Variants in ANK2 observed in about 807,000 individuals in gnomAD.
The protein encoded by ANK2 is ankyrin 2.
Under a neutral mutation model 360.5 loss-of-function variants are expected in ANK2, and 83 were observed. The observed-to-expected ratio is 0.23, with a 90% confidence interval of 0.19 to 0.28. The LOEUF is 0.28. ANK2 is among the 10% of genes least tolerant of loss of function. The pLI is 1.00. For missense variants in ANK2, 4,201 were observed against 4,795.7 expected (o/e 0.88, Z 3.66); for synonymous variants, 1,740 against 1,759.5 (o/e 0.99, Z 0.28).
intron 1 of ANK2, among the ~76,000 whole-genome samples, chr4:113,095,723 C>G (rs2090749220): frequency 6.6e-6 from 1 of 152,126 alleles, no homozygotes; most frequent in Non-Finnish European, 1.5e-5. Context: ...AATTCTTTAT[C>G]ATATGAAAAG....
At chr4:113,333,359 A>C in intron 29 of ANK2, 151 bp downstream of exon 29, 2 of 1,069,458 alleles carry the variant, frequency 1.9e-6, no homozygotes, top group South Asian at 2.7e-5. Context: ...TACAGCAGGT[A>C]ATCTGCTTTG....
At chr4:113,147,779 G>A (rs373440915) in intron 1 of ANK2, among the ~76,000 whole-genome samples, 10 of 152,286 alleles carry the variant, frequency 6.6e-5, no homozygotes, top group East Asian at 5.8e-4. Flanking sequence ...TGGCTTTTAC[G>A]TAAATCCTTA....
chr4:113,255,627 C>T, intron 10 of ANK2, 108 bp from the exon 11 acceptor site: 1 of 1,106,718 alleles, frequency 9.0e-7, no homozygotes, highest in South Asian at 1.4e-5. Context: ...TTATTTTTTC[C>T]CCTGCCACTA....
chr4:113,304,588 A>G (rs905007840), intron 23 of ANK2, among the ~76,000 whole-genome samples: 1 of 152,194 alleles, frequency 6.6e-6, no homozygotes, highest in African/African-American at 2.4e-5. Context: ...TTTTCTTAGA[A>G]TATAAATTTA....
intron 27 of ANK2, among the ~76,000 whole-genome samples, chr4:113,331,040 G>A (rs1164269104): frequency 1.3e-5 from 2 of 152,074 alleles, no homozygotes; most frequent in South Asian, 2.1e-4. Flanking sequence ...CACCGTGCTC[G>A]TTTTGGCAAT....
At chr4:112,749,003 CA>C in the ANK2 span, among the ~76,000 whole-genome samples, 6 of 152,170 alleles carry the variant, frequency 3.9e-5, no homozygotes, top group Non-Finnish European at 8.8e-5. Flanking sequence ...GGGTTCAAGC[CA>C]TTCTCGGGCC....
chr4:112,970,583 T>C (rs1358395640), intron 2 of ANK2, among the ~76,000 whole-genome samples: 1 of 152,176 alleles, frequency 6.6e-6, no homozygotes, highest in Non-Finnish European at 1.5e-5. Context: ...CTCGAGCTCC[T>C]GACCTTGTAA....
chr4:113,066,366 T>C (rs2075623135), intron 1 of ANK2, among the ~76,000 whole-genome samples: 1 of 152,210 alleles, frequency 6.6e-6, no homozygotes, highest in Non-Finnish European at 1.5e-5. Flanking sequence ...ATGTATTTAT[T>C]TATTCTTCAC....
chr4:113,221,264 C>T (rs1314193210), intron 4 of ANK2, among the ~76,000 whole-genome samples: 1 of 151,374 alleles, frequency 6.6e-6, no homozygotes, highest in Non-Finnish European at 1.5e-5. Context: ...TGGTCTGGAG[C>T]AACATCACAA....
At chr4:113,229,924 C>CTT (rs2099271748) in intron 4 of ANK2, among the ~76,000 whole-genome samples, 2 of 152,142 alleles carry the variant, frequency 1.3e-5, no homozygotes, top group Non-Finnish European at 2.9e-5. Flanking sequence ...ATTAAAAGTT[C>CTT]TTTTTCTCTT....
At chr4:112,943,999 G>T (rs1187133392) in intron 2 of ANK2, among the ~76,000 whole-genome samples, 1 of 151,996 alleles carries the variant, frequency 6.6e-6, no homozygotes, top group Non-Finnish European at 1.5e-5. Flanking sequence ...GGTTTTTGGT[G>T]GTCCTTAATT....
chr4:113,157,021 AAATACTT>A (rs1244500941), intron 1 of ANK2, among the ~76,000 whole-genome samples: 1 of 152,092 alleles, frequency 6.6e-6, no homozygotes, highest in African/African-American at 2.4e-5. Context: ...AGTTTTATAC[AAATACTT>A]TTATGAAATA....
chr4:112,991,190 G>C (rs2046627685), intron 2 of ANK2, among the ~76,000 whole-genome samples: 1 of 146,460 alleles, frequency 6.8e-6, no homozygotes, highest in African/African-American at 2.5e-5. Flanking sequence ...AGAGGTTGCA[G>C]TGAGCCGTGA....
In ANK2 at chr4:113,196,410, G is replaced by C. The variant is rs776254819; in HGVS notation, c.229G>C (p.Val77Leu). 4.3e-6 allele frequency: 7 copies of C among 1,613,848 alleles called. No homozygotes were observed. The highest frequency in any genetic ancestry group is 5.9e-6 in the Non-Finnish European group (7 of 1,179,980). ...ALHLAAKEGH[V>L]GLVQELLGRG... ...CCATCTGGCTGCCAAGGAAGGCCAC[G>C]TGGGGCTGGTGCAGGAGCTGCTGGG... is the stretch of plus-strand genomic sequence containing the variant. Residue 77 changes from valine to leucine, a missense_variant, in exon 3 of 46, where the codon GTG becomes CTG. By Grantham distance (32) the Val-to-Leu change is conservative. Transcript: ENST00000357077.
chr4:113,048,248 G>GTGTATATATATATA (rs1252407907), upstream of ANK2, among the ~76,000 whole-genome samples: 2 of 36,250 alleles, frequency 5.5e-5, no homozygotes, highest in Admixed American at 5.0e-4. Flanking sequence ...CTACAAGTGT[G>GTGTATATATATATA]TATATATATA....
intron 1 of ANK2, among the ~76,000 whole-genome samples, chr4:113,066,695 T>A (rs1404749288): frequency 6.6e-6 from 1 of 152,196 alleles, no homozygotes. Flanking sequence ...CTGAGCCATC[T>A]CATGAGGTGG....
At position 113,138,000 on chromosome 4, in the gene ANK2, T is replaced by C. The variant is rs371565231; in HGVS notation, c.85-36416T>C. On this transcript the variant is annotated intron_variant, in intron 1 of 45. Coordinates refer to ENST00000357077, the MANE Select transcript of ANK2 (RefSeq NM_001148.6). ...GATTGCTTATAAAGTGATTTTGTTT[T>C]CCAAACAAAAGTAGGGCAAGATTGA... Among the ~76,000 whole-genome samples, 3 of 152,318 alleles carry C rather than the reference T, an allele frequency of 2.0e-5. No individual in the cohort carries two copies. In the East Asian group the frequency reaches 5.8e-4, roughly 29 times the overall value.
chr4:113,226,400 C>T (rs919481927), intron 4 of ANK2, among the ~76,000 whole-genome samples: 3 of 152,120 alleles, frequency 2.0e-5, no homozygotes, highest in Non-Finnish European at 2.9e-5. Flanking sequence ...TCTCATTGCA[C>T]GGTGTTCCTT....
chr4:113,378,774 GCTGA>G (rs2097058526), intron 45 of ANK2, among the ~76,000 whole-genome samples: 1 of 152,192 alleles, frequency 6.6e-6, no homozygotes, highest in Admixed American at 6.5e-5. Context: ...ATACAAGGGG[GCTGA>G]CTGTGAGGCA....
Sources: allele counts gnomAD v4.1 joint callset (sites outside exome capture counted in the v4.1 genomes callset), GRCh38; gene constraint gnomAD v4.1.1; transcripts MANE v1.5; gene names NCBI Gene and HGNC (gene_info 2026-07-23, HGNC 2026-07-21).